Variants in LHFPL6 observed in about 807,000 individuals in gnomAD.
LHFPL6 encodes LHFPL tetraspan subfamily member 6.
A neutral mutation model predicts 20.6 loss-of-function variants in LHFPL6; 9 were observed. That is an observed-to-expected ratio of 0.44 (90% CI 0.26 to 0.76). The LOEUF (loss-of-function observed/expected upper bound fraction) is 0.76, where lower values mean the gene tolerates loss of function less well. LHFPL6 is among the 30% of genes least tolerant of loss of function. The pLI, the probability that LHFPL6 is intolerant of heterozygous loss-of-function variation, is 0.20. For synonymous variants in LHFPL6, 105 were observed against 98.7 expected (o/e 1.06, Z -0.38); for missense variants, 218 against 253.5 (o/e 0.86, Z 0.95).
intron 2 of LHFPL6, among the ~76,000 whole-genome samples, chr13:39,570,428 G>C (rs1871877960): frequency 6.6e-6 from 1 of 152,066 alleles, no homozygotes; most frequent in Admixed American, 6.6e-5. Flanking sequence ...ACAGGCATAA[G>C]CCACCACGCC....
At chr13:39,592,615 C>T (rs939486104) in intron 2 of LHFPL6, among the ~76,000 whole-genome samples, 3 of 152,188 alleles carry the variant, frequency 2.0e-5, no homozygotes, top group African/African-American at 7.2e-5. Context: ...CTCCCTAACT[C>T]ATTTTATGAG....
intron 2 of LHFPL6, among the ~76,000 whole-genome samples, chr13:39,403,439 C>T (rs915367695): frequency 3.3e-5 from 5 of 152,156 alleles, no homozygotes; most frequent in African/African-American, 1.2e-4. Flanking sequence ...CTGTAATCTA[C>T]TTTAAATTAC....
intron 2 of LHFPL6, among the ~76,000 whole-genome samples, chr13:39,452,740 G>A (rs928361811): frequency 2.6e-5 from 4 of 152,236 alleles, no homozygotes; most frequent in Non-Finnish European, 5.9e-5. Flanking sequence ...AGAGCCGCAA[G>A]AATAATGGCC....
At chr13:39,501,829 G>C (rs147802881) in intron 2 of LHFPL6, among the ~76,000 whole-genome samples, 146 of 152,284 alleles carry the variant, frequency 9.6e-4, no homozygotes, top group African/African-American at 3.1e-3. Context: ...CCAGGGCAGA[G>C]AAGCATGAGG....
chr13:39,585,532 A>G (rs988989173), intron 2 of LHFPL6, among the ~76,000 whole-genome samples: 4 of 152,256 alleles, frequency 2.6e-5, no homozygotes, highest in African/African-American at 9.6e-5. Context: ...AAAGCAATCT[A>G]TTAGGTCTCC....
At chr13:39,523,759 C>T (rs973975337) in intron 2 of LHFPL6, among the ~76,000 whole-genome samples, 1 of 152,054 alleles carries the variant, frequency 6.6e-6, no homozygotes, top group African/African-American at 2.4e-5. Flanking sequence ...CTAGGTATAT[C>T]AATACAACAC....
intron 2 of LHFPL6, among the ~76,000 whole-genome samples, chr13:39,517,988 T>G (rs949996854): frequency 3.9e-5 from 6 of 152,212 alleles, no homozygotes; most frequent in African/African-American, 1.4e-4. Context: ...ACTGCTGAAA[T>G]AAGCTACTGG....
intron 2 of LHFPL6, among the ~76,000 whole-genome samples, chr13:39,541,252 G>C (rs1870787283): frequency 6.6e-6 from 1 of 152,146 alleles, no homozygotes; most frequent in Admixed American, 6.5e-5. Context: ...GAAGAGCTTG[G>C]TTTGGGTTGC....
chr13:39,579,808 C>T (rs537240926), intron 2 of LHFPL6, among the ~76,000 whole-genome samples: 127 of 152,210 alleles, frequency 8.3e-4, no homozygotes, highest in African/African-American at 3.0e-3. Flanking sequence ...AGCAATATAA[C>T]ATGATACTGA....
At position 39,365,190 on chromosome 13, in the gene LHFPL6, T is replaced by C. The variant is rs532162443; in HGVS notation, c.484+13238A>G. ...GTGAAAAGAACCAGTCTGTCTCTAA[T>C]TACTGCTCCTCCATGTGAACTATGG... On this transcript the variant is annotated intron_variant, in intron 3 of 3. Coordinates refer to ENST00000379589, the MANE Select transcript of LHFPL6 (RefSeq NM_005780.3). Among the ~76,000 whole-genome samples the C allele has an allele frequency of 2.0e-5, 3 of 152,338 alleles. No individual in the cohort carries two copies. The South Asian group carries it at 6.2e-4, about 32-fold the overall frequency.
At chr13:39,421,130 AT>A (rs1871474023) in intron 2 of LHFPL6, among the ~76,000 whole-genome samples, 1 of 152,214 alleles carries the variant, frequency 6.6e-6, no homozygotes, top group African/African-American at 2.4e-5. Flanking sequence ...ACAAGTGTGA[AT>A]GCCCGTTTAC....
At chr13:39,424,632 T>G (rs1420293100) in intron 2 of LHFPL6, among the ~76,000 whole-genome samples, 1 of 152,136 alleles carries the variant, frequency 6.6e-6, no homozygotes, top group Non-Finnish European at 1.5e-5. Context: ...AACATCCAAT[T>G]TAATATTACG....
At chr13:39,593,229 T>C (rs1872665698) in intron 2 of LHFPL6, among the ~76,000 whole-genome samples, 1 of 152,244 alleles carries the variant, frequency 6.6e-6, no homozygotes, top group Non-Finnish European at 1.5e-5. Flanking sequence ...AAGCCCATTG[T>C]CTCAGCCCAA....
intron 2 of LHFPL6, among the ~76,000 whole-genome samples, chr13:39,596,100 G>A (rs1235985778): frequency 6.6e-6 from 1 of 151,916 alleles, no homozygotes; most frequent in African/African-American, 2.4e-5. Context: ...ATAAATAAAA[G>A]GAAATGTTAT....
At chr13:39,602,062 T>G (rs1872968742) in intron 1 of LHFPL6, among the ~76,000 whole-genome samples, 1 of 152,188 alleles carries the variant, frequency 6.6e-6, no homozygotes, top group Non-Finnish European at 1.5e-5. Flanking sequence ...GATTCATTGA[T>G]TCCAACAGTT....
chr13:39,432,517 G>T (rs746287039), intron 2 of LHFPL6, among the ~76,000 whole-genome samples: 8 of 151,950 alleles, frequency 5.3e-5, no homozygotes, highest in Non-Finnish European at 1.2e-4. Context: ...CCTCTGCAGG[G>T]TCCACCCCCT....
chr13:39,473,388 A>G (rs2138438630), intron 2 of LHFPL6, among the ~76,000 whole-genome samples: 1 of 151,240 alleles, frequency 6.6e-6, no homozygotes, highest in Middle Eastern at 3.4e-3. Context: ...TACTAGTCCA[A>G]TATGCCATGC....
At chr13:39,551,088 C>A (rs897476968) in intron 2 of LHFPL6, among the ~76,000 whole-genome samples, 1 of 152,124 alleles carries the variant, frequency 6.6e-6, no homozygotes, top group Non-Finnish European at 1.5e-5. Flanking sequence ...TTGCTAATAG[C>A]AACTGACCCT....
At position 39,600,855 on chromosome 13, in the gene LHFPL6, G is replaced by A. The variant is rs1295386532; in HGVS notation, c.362C>T (p.Ala121Val). Residue 121 changes from alanine (A) to valine (V), a missense_variant, in exon 2 of 4, where the codon GCT becomes GTT. Transcript: ENST00000379589. Reference sequence around the variant, plus strand: ...ACCCCCAAGAAACTGAATTCCTCCAGCCACTCTTCCCACTGTCCTGGAGAT... The same window carrying A: ...ACCCCCAAGAAACTGAATTCCTCCAACCACTCTTCCCACTGTCCTGGAGAT... The part of the protein sequence containing the change: ...DLISRTVGRV[A>V]GGIQFLGGLL... 1 of 1,492,278 alleles carries A rather than the reference G, an allele frequency of 6.7e-7. No individual in the cohort carries two copies. Among genetic ancestry groups the A allele is most frequent in the Non-Finnish European group, 9.0e-7 (1 of 1,117,188 alleles). 92.4% of individuals were successfully genotyped at this position (1,492,278 alleles called of 1,614,324 possible).
Sources: gnomAD v4.1 joint callset for allele counts (sites outside exome capture counted in the v4.1 genomes callset) on GRCh38, gnomAD v4.1.1 for gene constraint, MANE v1.5 for transcripts, NCBI Gene and HGNC (gene_info 2026-07-23, HGNC 2026-07-21) for gene names.